The following ADAT1 variants were observed in gnomAD, a reference collection of about 807,000 sequenced individuals.
ADAT1 encodes the protein tRNA-specific adenosine deaminase 1.
Under a neutral mutation model 58.6 loss-of-function variants are expected in ADAT1, and 58 were observed. The ratio of observed to expected loss-of-function variants is 0.99; its 90% confidence interval spans 0.80 to 1.23. ADAT1 has a LOEUF of 1.23. Among genes scored for constraint, ADAT1 ranks in the 50% most tolerant of loss-of-function variants. The pLI is 0.00. For missense variants in ADAT1, 741 were observed against 608.6 expected (o/e 1.22, Z -2.29); for synonymous variants, 254 against 220.8 (o/e 1.15, Z -1.33).
chr16:75,611,472 A>C (rs2081531763), intron 6 of ADAT1, among the ~76,000 whole-genome samples: 1 of 152,000 alleles, frequency 6.6e-6, no homozygotes, highest in African/African-American at 2.4e-5. Flanking sequence ...TGCAGCCTCA[A>C]TCTTCCCAGG....
Position 75,597,201 on chromosome 16 carries a change from G to C in ADAT1, c.*3015C>G. On this transcript the variant is annotated 3_prime_UTR_variant, in exon 10 of 10. Coordinates refer to ENST00000564657, the MANE Select transcript of ADAT1 (RefSeq NM_001324445.2). ...AGTCTTTGCAGATCTAGTTAGTTAA[G>C]ATGAAATCAGACTGGATTAGGGCAG... is the stretch of plus-strand genomic sequence containing the variant. 3.9e-6 allele frequency: 1 copy of C among 258,534 alleles called. No individual in the cohort carries two copies. The highest frequency in any genetic ancestry group is 7.9e-6 in the Non-Finnish European group (1 of 126,816). The allele number at this position is 258,534 out of a possible 1,614,324, so 16.0% of individuals were successfully genotyped here.
In ADAT1 at chr16:75,603,171, T is replaced by C. The variant is rs749423176; in HGVS notation, c.1290A>G (p.Arg430=). ...AGAGTTCCACTTTGCTGATTTGGGA[T>C]CTGTTTGGAAAAAGAAGGCAAAGAT... The part of the protein sequence containing the change: ...TKKTIGSLQA[R]SQISKVELFR... Residue 430 remains arginine (R), a splice_region_variant and synonymous_variant, in exon 9 of 10, where the codon AGA becomes AGG. Coordinates refer to ENST00000564657, the MANE Select transcript of ADAT1 (RefSeq NM_001324445.2). The C allele has an allele frequency of 2.5e-6, 4 of 1,613,682 alleles. 1 individual carries two copies. Among genetic ancestry groups the C allele is most frequent in the Middle Eastern group, 1.7e-4 (1 of 6,058 alleles).
intron 1 of ADAT1, among the ~76,000 whole-genome samples, chr16:75,622,002 T>A (rs1427807399): frequency 6.6e-6 from 1 of 151,964 alleles, no homozygotes; most frequent in East Asian, 1.9e-4. Flanking sequence ...ACAAAAAAAT[T>A]AGCCGGGCGT....
rs539537531 is a variant in ADAT1, at chr16:75,608,710, G to A, written c.1189+133C>T. ...AGCATAAACGTGACCCACTATGGGT[G>A]TCTCTAAAGCCCACACTACCGGCCA... is the stretch of plus-strand genomic sequence containing the variant. On this transcript the variant is annotated intron_variant, in intron 7 of 9. Transcript: ENST00000564657. The A allele has an allele frequency of 2.9e-5, 31 of 1,086,960 alleles. No individual in the cohort carries two copies. In the East Asian group the frequency reaches 7.1e-4, roughly 25 times the overall value. 67.3% of individuals were successfully genotyped at this position (1,086,960 alleles called of 1,614,324 possible).
chr16:75,610,734 C>A (rs1597113395), intron 6 of ADAT1, among the ~76,000 whole-genome samples: 1 of 152,164 alleles, frequency 6.6e-6, no homozygotes, highest in African/African-American at 2.4e-5. Context: ...CCCTCATTTC[C>A]TATAGCACTG....
chr16:75,616,194 A>C (rs1349043972), intron 5 of ADAT1, among the ~76,000 whole-genome samples: 1 of 151,876 alleles, frequency 6.6e-6, no homozygotes. Context: ...ATTTAGTAGA[A>C]ATGGGGTTTC....
In ADAT1 at chr16:75,622,558, A is replaced by T. The variant is rs1156574663; in HGVS notation, c.-177T>A. 6.6e-6 allele frequency: 1 copy of T among 152,204 alleles called. No homozygotes were observed. Among genetic ancestry groups the T allele is most frequent in the African/African-American group, 2.4e-5 (1 of 41,452 alleles). 9.4% of individuals were successfully genotyped at this position (152,204 alleles called of 1,614,324 possible). On this transcript the variant is annotated 5_prime_UTR_variant, in exon 1 of 10. Coordinates refer to ENST00000564657, the MANE Select transcript of ADAT1 (RefSeq NM_001324445.2). The stretch of plus-strand genomic sequence containing the variant: ...ACAGTGACTCTCTTTAAGATGAAGC[A>T]GCCCAGAACGGCATCATCTCACTCA...
chr16:75,612,668 C>G lies in ADAT1; in HGVS notation c.618G>C (p.Arg206Ser). The change falls in exon 6 of 10, where the codon AGG (arginine) becomes AGC (serine). Residue 206 changes from arginine to serine, a missense_variant. By Grantham distance (110) the Arg-to-Ser change is moderately radical. Transcript: ENST00000564657. ...GGTGAGCTGCTCCGTTGGTGACCTC[C>G]CTGGCTGCAGTCCCAGGCTCAAGCC... ...KMRLEPGTAA[R>S]EVTNGAAHHQ... The G allele has an allele frequency of 1.2e-6, 2 of 1,614,064 alleles. No individual in the cohort carries two copies. The highest frequency in any genetic ancestry group is 1.7e-6 in the Non-Finnish European group (2 of 1,180,036).
At chr16:75,610,901 C>T (rs1255101137) in intron 6 of ADAT1, among the ~76,000 whole-genome samples, 1 of 152,110 alleles carries the variant, frequency 6.6e-6, no homozygotes, top group Non-Finnish European at 1.5e-5. Context: ...TACTTAAGGC[C>T]AGGAGTTCAA....
At chr16:75,620,373 G>A (rs748743446) in intron 2 of ADAT1, 39 bp from the exon 3 acceptor site, 12 of 1,604,906 alleles carry the variant, frequency 7.5e-6, no homozygotes, top group Admixed American at 1.7e-5. Flanking sequence ...TCTGAGAAAC[G>A]GAATGTTCCC....
chr16:75,606,056 G>GC (rs200867981), intron 8 of ADAT1, among the ~76,000 whole-genome samples: 1 of 150,692 alleles, frequency 6.6e-6, no homozygotes. Flanking sequence ...GAGATTGGGG[G>GC]GGGGGTCTCA....
intron 8 of ADAT1, 80 bp from the exon 9 acceptor site, chr16:75,603,251 T>C (rs1357265725): frequency 2.3e-6 from 3 of 1,324,742 alleles, no homozygotes; most frequent in Non-Finnish European, 3.2e-6. Context: ...CCAGGCTTCA[T>C]GTGGTTTTTA....
intron 1 of ADAT1, 140 bp from the exon 2 acceptor site, chr16:75,620,960 T>C: frequency 1.7e-6 from 1 of 605,428 alleles, no homozygotes; most frequent in South Asian, 3.0e-5. Flanking sequence ...GATCATTTTC[T>C]TCTACTATCT....
Position 75,618,658 on chromosome 16 carries a change from C to T in ADAT1, c.239-18G>A, listed in dbSNP as rs1357845429. Reference sequence around the variant, plus strand: ...GATGTCTCCTGCGGCAAAGATAGGACACCAGGTGAAGACATATGGAAGCTG... The same window carrying T: ...GATGTCTCCTGCGGCAAAGATAGGATACCAGGTGAAGACATATGGAAGCTG... On this transcript the variant is annotated intron_variant, in intron 3 of 9. Coordinates refer to ENST00000564657, the MANE Select transcript of ADAT1 (RefSeq NM_001324445.2). 2 of 1,612,612 alleles carry T rather than the reference C, an allele frequency of 1.2e-6. No individual in the cohort carries two copies. The highest frequency in any genetic ancestry group is 2.7e-5 in the African/African-American group (2 of 74,800).
At chr16:75,618,487 C>A (rs1179871529) in intron 4 of ADAT1, 99 bp downstream of exon 4, 30 of 753,094 alleles carry the variant, frequency 4.0e-5, no homozygotes, top group Non-Finnish European at 5.9e-5. Context: ...GCCTGGGCAA[C>A]AGAGCAAGAC....
chr16:75,608,154 G>A (rs2081420590), intron 8 of ADAT1, 70 bp downstream of exon 8: 7 of 1,345,768 alleles, frequency 5.2e-6, no homozygotes, highest in South Asian at 4.8e-5. Flanking sequence ...TAATAAAAAT[G>A]TTCTAGAATT....
chr16:75,619,380 T>C (rs1364363732), intron 3 of ADAT1, among the ~76,000 whole-genome samples: 1 of 151,972 alleles, frequency 6.6e-6, no homozygotes, highest in African/African-American at 2.4e-5. Flanking sequence ...TGAAAAAAAT[T>C]AGCTGCACAT....
At chr16:75,607,047 G>A (rs373775695) in intron 8 of ADAT1, among the ~76,000 whole-genome samples, 3 of 152,070 alleles carry the variant, frequency 2.0e-5, no homozygotes, top group South Asian at 4.1e-4. Context: ...CCAACATAGT[G>A]AAACCCCGTC....
At chr16:75,619,713 C>G (rs1428383222) in intron 3 of ADAT1, 3 of 425,572 alleles carry the variant, frequency 7.0e-6, no homozygotes, top group African/African-American at 2.1e-5. Flanking sequence ...GAGTTCAAGA[C>G]TAGCTTGGCC....
Sources: gnomAD v4.1 joint callset for allele counts (sites outside exome capture counted in the v4.1 genomes callset) on GRCh38, gnomAD v4.1.1 for gene constraint, MANE v1.5 for transcripts, NCBI Gene and HGNC (gene_info 2026-07-23, HGNC 2026-07-21) for gene names.